Variants in HERC1 observed in about 807,000 individuals in gnomAD.
HERC1 encodes probable E3 ubiquitin-protein ligase HERC1.
HERC1 carries 160 observed loss-of-function variants against 554.3 expected under a neutral mutation model. The observed-to-expected ratio is 0.29, with a 90% CI of 0.25 to 0.33. The LOEUF is 0.33. HERC1 is among the 10% of genes least tolerant of loss of function. HERC1 has a pLI of 1.00. For synonymous variants in HERC1, 2,175 were observed against 2,131.7 expected (o/e 1.02, Z -0.56); for missense variants, 4,919 against 5,918.5 (o/e 0.83, Z 5.54).
At chr15:63,799,877 C>A (rs1390234530) in intron 1 of HERC1, among the ~76,000 whole-genome samples, 1 of 152,060 alleles carries the variant, frequency 6.6e-6, no homozygotes, top group Non-Finnish European at 1.5e-5. Context: ...TGGCTACCAT[C>A]CATAATCCCA....
chr15:63,618,380 G>C (rs1030830866), intron 74 of HERC1, among the ~76,000 whole-genome samples: 1 of 152,094 alleles, frequency 6.6e-6, no homozygotes, highest in South Asian at 2.1e-4. Context: ...TTTGGTACCA[G>C]TACCATGCTG....
intron 1 of HERC1, among the ~76,000 whole-genome samples, chr15:63,803,729 T>G (rs747174189): frequency 2.0e-5 from 3 of 152,200 alleles, no homozygotes; most frequent in Non-Finnish European, 2.9e-5. Context: ...TGATCTCAAT[T>G]GGGTAACAAA....
intron 52 of HERC1, 67 bp from the exon 53 acceptor site, chr15:63,651,447 C>G: frequency 6.7e-7 from 1 of 1,491,034 alleles, no homozygotes; most frequent in South Asian, 1.2e-5. Flanking sequence ...AATCCCAAAC[C>G]TTAAAATAAG....
intron 3 of HERC1, among the ~76,000 whole-genome samples, chr15:63,759,028 G>C (rs1161867466): frequency 6.6e-6 from 1 of 151,966 alleles, no homozygotes; most frequent in Non-Finnish European, 1.5e-5. Context: ...ATCATACCTG[G>C]CTCCACTTTC....
Position 63,635,857 on chromosome 15 carries a change from T to C in HERC1, c.12414+104A>G, listed in dbSNP as rs956023425. ...ACCAATGGATCTCTTATAATTACTGTGTAATATATTTTTACTATATTTTCT... is the reference window on the plus strand; with the variant it reads ...ACCAATGGATCTCTTATAATTACTGCGTAATATATTTTTACTATATTTTCT... On this transcript the variant is annotated intron_variant, in intron 65 of 77. Transcript: ENST00000443617. 3.5e-6 allele frequency: 4 copies of C among 1,158,822 alleles called. No homozygotes were observed. The African/African-American group carries it at 6.1e-5, about 18-fold the overall frequency. 71.8% of individuals were successfully genotyped at this position (1,158,822 alleles called of 1,614,324 possible). A position where few individuals can be genotyped will look rare whatever the true frequency, so the allele number is the denominator to read the frequency against.
chr15:63,625,433 C>G (rs906176899), intron 71 of HERC1, among the ~76,000 whole-genome samples: 4 of 152,130 alleles, frequency 2.6e-5, no homozygotes, highest in East Asian at 1.9e-4. Context: ...TGGCTCACAC[C>G]TGTATTCTCA....
intron 2 of HERC1, among the ~76,000 whole-genome samples, chr15:63,764,861 C>T (rs751767761): frequency 6.6e-6 from 1 of 152,146 alleles, no homozygotes; most frequent in Non-Finnish European, 1.5e-5. Flanking sequence ...ATCTCAGGAG[C>T]TGGGTGAGTG....
At chr15:63,797,604 TA>T (rs1456518720) in intron 1 of HERC1, among the ~76,000 whole-genome samples, 1 of 152,130 alleles carries the variant, frequency 6.6e-6, no homozygotes, top group Non-Finnish European at 1.5e-5. Flanking sequence ...TTGAAAACCC[TA>T]AACTCCAAGC....
chr15:63,612,572 G>T lies in HERC1; in HGVS notation c.14095-16C>A, dbSNP rs916667629. On this transcript the variant is annotated splice_polypyrimidine_tract_variant and intron_variant, in intron 76 of 77. Coordinates refer to ENST00000443617, the MANE Select transcript of HERC1 (RefSeq NM_003922.4). This position sits in a 1 kb window ranked among gnomAD's most constrained non-coding sequence, Gnocchi z 5.0. The stretch of plus-strand genomic sequence containing the variant: ...CTGCAGCCACCTGCTCCCGGGAGAG[G>T]TTGCTCATTCAATGAGTGTGCGTGA... 1 of 1,606,884 alleles carries T rather than the reference G, an allele frequency of 6.2e-7. No individual in the cohort carries two copies. The highest frequency in any genetic ancestry group is 1.1e-5 in the South Asian group (1 of 89,764).
chr15:63,804,007 C>G (rs2077064864), intron 1 of HERC1, among the ~76,000 whole-genome samples: 1 of 152,158 alleles, frequency 6.6e-6, no homozygotes, highest in Non-Finnish European at 1.5e-5. Flanking sequence ...TGATGCTTAT[C>G]TAAAGTGTCA....
Position 63,612,118 on chromosome 15 carries a change from G to T in HERC1, c.14400+133C>A. ...CAGGAGAACTGCTTGAAGCTAGGAAGCGGAGGTTGCAGTAAGCTAAAATCA... is the reference window on the plus strand; with the variant it reads ...CAGGAGAACTGCTTGAAGCTAGGAATCGGAGGTTGCAGTAAGCTAAAATCA... On this transcript the variant is annotated intron_variant, in intron 77 of 77. Coordinates refer to ENST00000443617, the MANE Select transcript of HERC1 (RefSeq NM_003922.4). The surrounding 1 kb of genome is among the most constrained non-coding windows in gnomAD (Gnocchi z 5.0). The T allele has an allele frequency of 1.3e-6, 1 of 745,022 alleles. No individual in the cohort carries two copies. The highest frequency in any genetic ancestry group is 2.1e-6 in the Non-Finnish European group (1 of 466,828). The allele number at this position is 745,022 out of a possible 1,614,324, so 46.2% of individuals were successfully genotyped here.
intron 48 of HERC1, 37 bp downstream of exon 48, chr15:63,658,507 G>A (rs766946203): frequency 7.7e-6 from 12 of 1,568,044 alleles, no homozygotes; most frequent in Middle Eastern, 1.7e-4. Context: ...TACACTAGAA[G>A]TTAACTTAGC....
intron 1 of HERC1, among the ~76,000 whole-genome samples, chr15:63,831,557 C>A (rs1347337273): frequency 6.6e-6 from 1 of 152,150 alleles, no homozygotes; most frequent in East Asian, 1.9e-4. Context: ...CTCCAAGCCA[C>A]GATGTCATCA....
intron 4 of HERC1, among the ~76,000 whole-genome samples, chr15:63,757,812 C>G (rs1420052790): frequency 6.6e-6 from 1 of 152,122 alleles, no homozygotes; most frequent in African/African-American, 2.4e-5. Context: ...CAGGTTCAAG[C>G]TATTCTTCTG....
intron 38 of HERC1, 123 bp downstream of exon 38, chr15:63,674,219 G>T: frequency 1.6e-6 from 1 of 644,642 alleles, no homozygotes; most frequent in Non-Finnish European, 2.4e-6. Flanking sequence ...TGTGAAAATT[G>T]CTTTGACCAA....
intron 50 of HERC1, among the ~76,000 whole-genome samples, chr15:63,654,629 G>T (rs1218954787): frequency 1.3e-5 from 2 of 151,648 alleles, no homozygotes; most frequent in Non-Finnish European, 2.9e-5. Context: ...AAGGTGGGAG[G>T]ATCACCTGAG....
At chr15:63,731,492 A>C (rs1235151815) in intron 14 of HERC1, among the ~76,000 whole-genome samples, 1 of 152,214 alleles carries the variant, frequency 6.6e-6, no homozygotes, top group Non-Finnish European at 1.5e-5. Flanking sequence ...TAACTTTGGG[A>C]AAAATTTTTG....
Position 63,680,458 on chromosome 15 carries a change from A to G in HERC1, c.6465+79T>C, listed in dbSNP as rs547009527. 7.0e-7 allele frequency: 1 copy of G among 1,434,780 alleles called. No individual in the cohort carries two copies. Among genetic ancestry groups the G allele is most frequent in the East Asian group, 2.4e-5 (1 of 42,394 alleles). 88.9% of individuals were successfully genotyped at this position (1,434,780 alleles called of 1,614,324 possible). A position where few individuals can be genotyped will look rare whatever the true frequency, so the allele number is the denominator to read the frequency against. ...AGACGAGCAGATAATCTATAAACTG[A>G]ATACGTGGCACTTGAATAACCGAGT... On this transcript the variant is annotated intron_variant, in intron 35 of 77. Transcript: ENST00000443617. The surrounding 1 kb of genome is among the most constrained non-coding windows in gnomAD (Gnocchi z 5.8).
At position 63,658,694 on chromosome 15, in the gene HERC1, C is replaced by T; in HGVS notation, c.9449G>A (p.Ser3150Asn). The change falls in exon 48 of 78, where the codon AGC becomes AAC. Residue 3150 changes from serine (S) to asparagine (N), a missense_variant. Ser to Asn is a conservative substitution (Grantham distance 46). This residue lies in a region of HERC1 where 1,963 missense variants were observed against 2,228.6 expected (regional missense o/e 0.88). Transcript: ENST00000443617. ...TCCTAACGTTATTCTCCCAGAGGAGCTCTTTTCTACGGAGCCATGGCAACC... is the reference window on the plus strand; with the variant it reads ...TCCTAACGTTATTCTCCCAGAGGAGTTCTTTTCTACGGAGCCATGGCAACC... ...QIGCHGSVEK[S>N]SSGRITLGEQ... 1.2e-6 allele frequency: 2 copies of T among 1,612,340 alleles called. No homozygotes were observed. Among genetic ancestry groups the T allele is most frequent in the Non-Finnish European group, 1.7e-6 (2 of 1,178,888 alleles).
Sources: gnomAD v4.1 joint callset for allele counts (sites outside exome capture counted in the v4.1 genomes callset) on GRCh38, gnomAD v4.1.1 for gene constraint, gnomAD v4.1.1 regional missense constraint, Gnocchi (gnomAD v3.1) non-coding constraint, MANE v1.5 for transcripts, NCBI Gene and HGNC (gene_info 2026-07-23, HGNC 2026-07-21) for gene names.